Variants in TTC6 observed in about 807,000 individuals in gnomAD.
TTC6 encodes the protein tetratricopeptide repeat protein 6.
In TTC6, 172 loss-of-function variants were observed where a neutral mutation model predicts 210.4. That is an observed-to-expected ratio of 0.82 (90% CI 0.72 to 0.93). TTC6 has a LOEUF of 0.93. TTC6 is among the 40% of genes least tolerant of loss of function. The probability of loss-of-function intolerance (pLI) is 0.00; values close to 1 mark genes in which losing one functional copy is unlikely to be tolerated. For synonymous variants in TTC6, 804 were observed against 819.6 expected (o/e 0.98, Z 0.32); for missense variants, 2,414 against 2,318.1 (o/e 1.04, Z -0.85).
At chr14:37,666,762 C>T (rs1252051411) in intron 1 of TTC6, among the ~76,000 whole-genome samples, 1 of 150,202 alleles carries the variant, frequency 6.7e-6, no homozygotes, top group Non-Finnish European at 1.5e-5. Context: ...GTTACCCAAC[C>T]CCTGTCCTGG....
chr14:37,779,821 G>C (rs961624801), intron 14 of TTC6, among the ~76,000 whole-genome samples: 12 of 152,146 alleles, frequency 7.9e-5, no homozygotes, highest in African/African-American at 2.2e-4. Flanking sequence ...GTATTATTAG[G>C]TGGTGGTGTC....
At chr14:37,615,200 G>T (rs2095640759) in intron 2 of TTC6, among the ~76,000 whole-genome samples, 1 of 152,094 alleles carries the variant, frequency 6.6e-6, no homozygotes, top group Non-Finnish European at 1.5e-5. Context: ...TTTGAATTTT[G>T]TCTTTGTCTT....
At chr14:37,721,249 TTGAA>T (rs1359138450) in intron 6 of TTC6, among the ~76,000 whole-genome samples, 6 of 152,156 alleles carry the variant, frequency 3.9e-5, no homozygotes, top group African/African-American at 9.6e-5. Context: ...ATCTTGTACT[TTGAA>T]TGGCTCTTTT....
chr14:37,604,779 C>A (rs1411185891), intron 1 of TTC6, among the ~76,000 whole-genome samples: 1 of 152,164 alleles, frequency 6.6e-6, no homozygotes, highest in Admixed American at 6.5e-5. Context: ...GAAAGCAAGA[C>A]TCTTGATTTC....
chr14:37,622,978 G>A, exon 1 of TTC6: 1 of 1,490,614 alleles, frequency 6.7e-7, no homozygotes, highest in Non-Finnish European at 8.9e-7. Context: ...AGCGTCCTTG[G>A]CCAGAACTAC....
intron 1 of TTC6, among the ~76,000 whole-genome samples, chr14:37,599,844 A>G (rs949721857): frequency 2.0e-5 from 3 of 151,548 alleles, no homozygotes; most frequent in Non-Finnish European, 4.4e-5. Flanking sequence ...CGATATGGCG[A>G]CCCCGCCCAG....
At chr14:37,727,162 C>G (rs2095874686) in intron 7 of TTC6, among the ~76,000 whole-genome samples, 1 of 151,816 alleles carries the variant, frequency 6.6e-6, no homozygotes. Flanking sequence ...TTTAACCCAC[C>G]ATCTTTGACC....
Position 37,793,363 on chromosome 14 carries a change from A to G in TTC6, c.3708+949A>G, listed in dbSNP as rs149976110. The stretch of plus-strand genomic sequence containing the variant: ...ACTGAGGTAAAAAAACAAAAAAACA[A>G]AAAACCCAAAAACCAAACCTTCAAA... On this transcript the variant is annotated intron_variant, in intron 17 of 30. Transcript: ENST00000553443. Among the ~76,000 whole-genome samples, 43 of 152,324 alleles carry G rather than the reference A, an allele frequency of 2.8e-4. No individual in the cohort carries two copies. In the East Asian group the frequency reaches 8.1e-3, roughly 29 times the overall value.
chr14:37,665,287 G>GTA (rs757601280), intron 1 of TTC6, among the ~76,000 whole-genome samples: 1 of 150,576 alleles, frequency 6.6e-6, no homozygotes, highest in Non-Finnish European at 1.5e-5. Context: ...AGGAAATGTG[G>GTA]TATATATATA....
At chr14:37,602,695 C>T (rs1350238035) in intron 1 of TTC6, among the ~76,000 whole-genome samples, 2 of 152,168 alleles carry the variant, frequency 1.3e-5, no homozygotes, top group Admixed American at 6.5e-5. Context: ...AACCTTCCTG[C>T]TTTCAGGTCC....
intron 29 of TTC6, among the ~76,000 whole-genome samples, chr14:37,839,060 G>A (rs1345885709): frequency 2.6e-5 from 4 of 152,112 alleles, no homozygotes; most frequent in South Asian, 4.1e-4. Context: ...TTATTGTTGG[G>A]GATTTGGGTT....
intron 23 of TTC6, 81 bp from the exon 26 acceptor site, chr14:37,808,652 T>A: frequency 1.3e-6 from 1 of 744,608 alleles, no homozygotes; most frequent in Non-Finnish European, 2.2e-6. Flanking sequence ...AAAACTCTGA[T>A]AGAAACAAGA....
In TTC6 at chr14:37,670,474, CT is replaced by C. The variant is rs66725764; in HGVS notation, c.940-9656del. Among the ~76,000 whole-genome samples, 538 of 121,320 alleles carry C rather than the reference CT, an allele frequency of 4.4e-3. 7 individuals are homozygous for C. Among genetic ancestry groups the C allele is most frequent in the African/African-American group, 0.013 (413 of 32,386 alleles). 79.6% of individuals were successfully genotyped at this position (121,320 alleles called of 152,430 possible). ...TAAGGATCTAGCACAAACTACCTCA[CT>C]TTTTTTTTTTTTTTTTTTTTAGTCT... On this transcript the variant is annotated intron_variant, in intron 1 of 30. Transcript: ENST00000553443.
chr14:37,716,414 A>G (rs2095852849), intron 6 of TTC6, among the ~76,000 whole-genome samples: 1 of 152,108 alleles, frequency 6.6e-6, no homozygotes, highest in South Asian at 2.1e-4. Context: ...ATTAAAACAC[A>G]TGACCCAGAT....
At chr14:37,705,458 A>G (rs1236172295) in intron 5 of TTC6, among the ~76,000 whole-genome samples, 2 of 152,178 alleles carry the variant, frequency 1.3e-5, no homozygotes, top group African/African-American at 4.8e-5. Flanking sequence ...ACATTCTTAA[A>G]TATGGGATTC....
At position 37,829,004 on chromosome 14, in the gene TTC6, GC is replaced by G. The variant is rs2096178609; in HGVS notation, c.5298+1640del. ...TAATATATATGCATTATGAATTATA[GC>G]CTTCAGCACTACAGATTTCCTCCTT... On this transcript the variant is annotated intron_variant, in intron 29 of 30. Transcript: ENST00000553443. Among the ~76,000 whole-genome samples, 4 of 151,834 alleles carry G rather than the reference GC, an allele frequency of 2.6e-5. No homozygotes were observed. The South Asian group carries it at 8.3e-4, about 32-fold the overall frequency.
At chr14:37,768,123 T>C (rs1219569435) in intron 14 of TTC6, among the ~76,000 whole-genome samples, 1 of 150,688 alleles carries the variant, frequency 6.6e-6, no homozygotes, top group Middle Eastern at 3.2e-3. Flanking sequence ...ATATGCGGCG[T>C]TATTTCTGAG....
At chr14:37,751,188 T>C (rs1262113099) in exon 13 of TTC6, 2 of 1,530,008 alleles carry the variant, frequency 1.3e-6, no homozygotes, top group South Asian at 1.2e-5. Context: ...ATGTATGAAA[T>C]AACAAACAAA....
exon 5 of TTC6, chr14:37,701,358 A>T (rs1005159270): frequency 6.8e-7 from 1 of 1,463,688 alleles, no homozygotes; most frequent in South Asian, 1.4e-5. Flanking sequence ...TCCATGCCGC[A>T]CCTTCATGAT....
Sources: gnomAD v4.1 joint callset for allele counts (sites outside exome capture counted in the v4.1 genomes callset) on GRCh38, gnomAD v4.1.1 for gene constraint, MANE v1.5 for transcripts, NCBI Gene and HGNC (gene_info 2026-07-23, HGNC 2026-07-21) for gene names.